SHISA9: variants seen among roughly 807,000 people sequenced by gnomAD.
SHISA9 encodes the protein protein shisa-9.
A neutral mutation model predicts 38.0 loss-of-function variants in SHISA9; 13 were observed. The observed-to-expected ratio is 0.34, with a 90% CI of 0.22 to 0.54. The LOEUF is 0.54. Among genes scored for constraint, SHISA9 ranks in the 20% least tolerant of loss-of-function variants. SHISA9 has a pLI of 0.91. For missense variants in SHISA9, 538 were observed against 575.8 expected (o/e 0.93, Z 0.67); for synonymous variants, 275 against 242.0 (o/e 1.14, Z -1.27).
At chr16:13,189,237 G>A (rs914866262) in intron 2 of SHISA9, among the ~76,000 whole-genome samples, 2 of 152,210 alleles carry the variant, frequency 1.3e-5, no homozygotes, top group African/African-American at 4.8e-5. Flanking sequence ...TATTTAGTGA[G>A]GGGATGAAGA....
the SHISA9 span, among the ~76,000 whole-genome samples, chr16:13,550,639 A>G: frequency 2.6e-5 from 4 of 152,222 alleles, no homozygotes; most frequent in African/African-American, 9.6e-5. Flanking sequence ...CAGATACACA[A>G]GGAAGCTTTT....
intron 2 of SHISA9, among the ~76,000 whole-genome samples, chr16:13,154,349 C>T (rs1462139002): frequency 6.6e-6 from 1 of 152,100 alleles, no homozygotes; most frequent in Non-Finnish European, 1.5e-5. Flanking sequence ...GTTCTCTGAC[C>T]TTTGAATGAG....
intron 2 of SHISA9, among the ~76,000 whole-genome samples, chr16:12,950,101 C>T (rs958933648): frequency 6.6e-6 from 1 of 152,188 alleles, no homozygotes; most frequent in Non-Finnish European, 1.5e-5. Flanking sequence ...TTCCTACATA[C>T]AGGTGAGAAC....
At chr16:13,132,165 T>A (rs2050311767) in intron 2 of SHISA9, among the ~76,000 whole-genome samples, 1 of 152,098 alleles carries the variant, frequency 6.6e-6, no homozygotes, top group African/African-American at 2.4e-5. Context: ...AGGCAGACAA[T>A]CGAGGTGTGA....
the SHISA9 span, among the ~76,000 whole-genome samples, chr16:13,367,710 G>GCACACA: frequency 5.4e-3 from 488 of 90,538 alleles, 4 homozygotes; most frequent in African/African-American, 0.016. Flanking sequence ...GCGCGCGCGC[G>GCACACA]CGCACACACA....
the SHISA9 span, among the ~76,000 whole-genome samples, chr16:13,455,377 C>A: frequency 6.6e-6 from 1 of 152,318 alleles, no homozygotes; most frequent in South Asian, 2.1e-4. Flanking sequence ...GTCCTCCACT[C>A]CCAATTATAT....
At chr16:13,409,512 G>A in the SHISA9 span, among the ~76,000 whole-genome samples, 19 of 152,346 alleles carry the variant, frequency 1.2e-4, no homozygotes, top group Non-Finnish European at 2.1e-4. Flanking sequence ...CTCCTGTAAC[G>A]GATTTGAGCA....
intron 2 of SHISA9, among the ~76,000 whole-genome samples, chr16:13,201,550 C>G (rs1329133294): frequency 7.5e-6 from 1 of 134,152 alleles, no homozygotes; most frequent in East Asian, 2.0e-4. Flanking sequence ...TGCATTCATG[C>G]TACAAAGGCA....
chr16:13,069,139 G>A (rs1326431157), intron 2 of SHISA9, among the ~76,000 whole-genome samples: 1 of 151,614 alleles, frequency 6.6e-6, no homozygotes, highest in Non-Finnish European at 1.5e-5. Context: ...GCACATATGT[G>A]TACATATGCA....
At chr16:13,336,728 T>C in the SHISA9 span, among the ~76,000 whole-genome samples, 2 of 152,182 alleles carry the variant, frequency 1.3e-5, no homozygotes, top group Non-Finnish European at 2.9e-5. Flanking sequence ...ATTCAATTTG[T>C]GGGTGGATGT....
chr16:13,094,207 G>C (rs566100194), intron 2 of SHISA9, among the ~76,000 whole-genome samples: 1 of 152,128 alleles, frequency 6.6e-6, no homozygotes, highest in Non-Finnish European at 1.5e-5. Flanking sequence ...CCTCTGATAC[G>C]AGTTGTGGGT....
chr16:13,367,702 GCGCGCGCGCGCA>G, the SHISA9 span, among the ~76,000 whole-genome samples: 1 of 35,800 alleles, frequency 2.8e-5, no homozygotes, highest in Admixed American at 4.1e-4. Flanking sequence ...GTGCGTGCGC[GCGCGCGCGCGCA>G]CACACACACA....
the SHISA9 span, among the ~76,000 whole-genome samples, chr16:13,460,893 C>T: frequency 6.6e-6 from 1 of 152,220 alleles, no homozygotes; most frequent in Non-Finnish European, 1.5e-5. Context: ...CCAGAGTCAT[C>T]ACCTTCTGCC....
At chr16:13,037,804 A>G (rs1310564276) in intron 2 of SHISA9, among the ~76,000 whole-genome samples, 1 of 152,170 alleles carries the variant, frequency 6.6e-6, no homozygotes, top group African/African-American at 2.4e-5. Flanking sequence ...TGGGCTAAAC[A>G]TTCCCCCAAA....
intron 2 of SHISA9, among the ~76,000 whole-genome samples, chr16:12,955,745 C>T (rs975208791): frequency 6.6e-6 from 1 of 151,840 alleles, no homozygotes; most frequent in African/African-American, 2.4e-5. Flanking sequence ...TCACCATATG[C>T]AAAAATTAAC....
intron 2 of SHISA9, among the ~76,000 whole-genome samples, chr16:12,918,321 C>CGAA: frequency 6.6e-6 from 1 of 152,284 alleles, no homozygotes; most frequent in African/African-American, 2.4e-5. Flanking sequence ...TCGTGTGCTT[C>CGAA]AGTCCCAGAC....
At chr16:13,289,251 G>T in the SHISA9 span, among the ~76,000 whole-genome samples, 1 of 151,858 alleles carries the variant, frequency 6.6e-6, no homozygotes, top group Admixed American at 6.6e-5. Context: ...TTTTCCCTCT[G>T]GCTAAAAAGG....
intron 2 of SHISA9, among the ~76,000 whole-genome samples, chr16:13,015,507 C>T (rs886457410): frequency 6.6e-6 from 1 of 152,220 alleles, no homozygotes; most frequent in African/African-American, 2.4e-5. Flanking sequence ...ATTCTTTACT[C>T]CACTCTATGC....
At chr16:13,498,736 G>A in the SHISA9 span, among the ~76,000 whole-genome samples, 1 of 152,146 alleles carries the variant, frequency 6.6e-6, no homozygotes, top group South Asian at 2.1e-4. Context: ...CAGCCTGGGT[G>A]ACAGAGTGAG....
Sources: gnomAD v4.1 joint callset for allele counts (sites outside exome capture counted in the v4.1 genomes callset) on GRCh38, gnomAD v4.1.1 for gene constraint, MANE v1.5 for transcripts, NCBI Gene and HGNC (gene_info 2026-07-23, HGNC 2026-07-21) for gene names.